DPP10: variants seen among roughly 807,000 people sequenced by gnomAD.
DPP10 encodes the protein dipeptidyl peptidase like 10, also known as inactive dipeptidyl peptidase 10.
Under a neutral mutation model 120.9 loss-of-function variants are expected in DPP10, and 33 were observed. That is an observed-to-expected ratio of 0.27 (90% CI 0.21 to 0.37). The LOEUF (loss-of-function observed/expected upper bound fraction) is 0.37, where lower values mean the gene tolerates loss of function less well. Ranked by LOEUF, DPP10 falls within the 10% of genes least tolerant of loss-of-function variation. DPP10 has a pLI of 1.00. For missense variants in DPP10, 816 were observed against 942.8 expected, an observed-to-expected ratio of 0.87 and a Z score of 1.76; for synonymous variants, 337 against 326.1, an observed-to-expected ratio of 1.03 and a Z score of -0.36.
At chr2:115,351,418 G>A (rs1476292837) in intron 3 of DPP10, among the ~76,000 whole-genome samples, 1 of 151,964 alleles carries the variant, frequency 6.6e-6, no homozygotes, top group Non-Finnish European at 1.5e-5. Context: ...TTCCTTTTGG[G>A]TACTACGTTC....
chr2:115,337,143 CAAA>C (rs11308584), intron 2 of DPP10, among the ~76,000 whole-genome samples: 4 of 125,512 alleles, frequency 3.2e-5, no homozygotes, highest in African/African-American at 2.7e-5. Flanking sequence ...TTGAAGAAAG[CAAA>C]AAAAAAAAAA....
intron 12 of DPP10, among the ~76,000 whole-genome samples, chr2:115,767,875 CA>C (rs930542502): frequency 1.3e-5 from 2 of 152,018 alleles, no homozygotes; most frequent in African/African-American, 2.4e-5. Context: ...GAAAGGATTT[CA>C]AAAAATATGT....
intron 17 of DPP10, among the ~76,000 whole-genome samples, chr2:115,790,774 A>G (rs1204126000): frequency 6.6e-6 from 1 of 152,196 alleles, no homozygotes; most frequent in Non-Finnish European, 1.5e-5. Flanking sequence ...GGTATTGTGA[A>G]TCGCATCTCA....
chr2:114,843,071 A>C (rs1688283887), intron 1 of DPP10, among the ~76,000 whole-genome samples: 1 of 152,182 alleles, frequency 6.6e-6, no homozygotes, highest in Non-Finnish European at 1.5e-5. Flanking sequence ...TATCAAATAA[A>C]CAAACTAAAA....
chr2:115,018,945 C>A (rs753848052), intron 1 of DPP10, among the ~76,000 whole-genome samples: 11 of 151,948 alleles, frequency 7.2e-5, no homozygotes, highest in Non-Finnish European at 1.2e-4. Context: ...CCACTTCTGC[C>A]GCTGGTCTAG....
intron 4 of DPP10, among the ~76,000 whole-genome samples, chr2:115,512,562 A>G (rs2077291505): frequency 6.6e-6 from 1 of 151,738 alleles, no homozygotes; most frequent in African/African-American, 2.4e-5. Context: ...CTTCTTTACT[A>G]TATATCATAA....
intron 1 of DPP10, among the ~76,000 whole-genome samples, chr2:114,737,486 T>A (rs1456344078): frequency 6.6e-6 from 1 of 152,210 alleles, no homozygotes; most frequent in Non-Finnish European, 1.5e-5. Context: ...TCCTAAGCCC[T>A]ATTTGTAAAG....
chr2:115,006,712 A>C (rs1329544914), intron 1 of DPP10, among the ~76,000 whole-genome samples: 1 of 151,970 alleles, frequency 6.6e-6, no homozygotes, highest in Non-Finnish European at 1.5e-5. Context: ...ACCCAGATTC[A>C]TAAAGCAAGT....
At chr2:114,671,205 A>T (rs1386848987) in intron 1 of DPP10, among the ~76,000 whole-genome samples, 1 of 152,196 alleles carries the variant, frequency 6.6e-6, no homozygotes, top group Admixed American at 6.5e-5. Context: ...AAAGTTGAAA[A>T]GACTAAAGAC....
At chr2:114,989,442 G>T (rs1700625361) in intron 1 of DPP10, among the ~76,000 whole-genome samples, 1 of 152,200 alleles carries the variant, frequency 6.6e-6, no homozygotes, top group African/African-American at 2.4e-5. Context: ...GTACCAAGAA[G>T]TGATCGTTGC....
At chr2:115,434,436 C>T (rs2071290082) in intron 3 of DPP10, among the ~76,000 whole-genome samples, 1 of 151,824 alleles carries the variant, frequency 6.6e-6, no homozygotes, top group African/African-American at 2.4e-5. Flanking sequence ...GAGAAACTGC[C>T]AGTGCAGGCA....
intron 1 of DPP10, among the ~76,000 whole-genome samples, chr2:114,829,266 G>C (rs1686851880): frequency 6.6e-6 from 1 of 151,564 alleles, no homozygotes; most frequent in African/African-American, 2.4e-5. Flanking sequence ...CTCCAGCCTG[G>C]GCGACAGAGT....
At chr2:115,373,065 C>A (rs2065531208) in intron 3 of DPP10, among the ~76,000 whole-genome samples, 1 of 152,174 alleles carries the variant, frequency 6.6e-6, no homozygotes, top group Non-Finnish European at 1.5e-5. Context: ...CCCTTGGAAG[C>A]CACAGGAGGG....
intron 3 of DPP10, among the ~76,000 whole-genome samples, chr2:115,439,704 T>G (rs1448144185): frequency 1.3e-5 from 2 of 152,208 alleles, no homozygotes; most frequent in African/African-American, 4.8e-5. Flanking sequence ...AATAAAATTC[T>G]TATCTCTTAT....
intron 1 of DPP10, among the ~76,000 whole-genome samples, chr2:115,283,218 T>C (rs1453364321): frequency 6.6e-6 from 1 of 151,994 alleles, no homozygotes; most frequent in African/African-American, 2.4e-5. Context: ...TCAATTACGG[T>C]ATTATAAATA....
At chr2:114,998,407 A>G (rs113826074) in intron 1 of DPP10, among the ~76,000 whole-genome samples, 1,734 of 152,288 alleles carry the variant, frequency 0.011, 13 homozygotes, top group Non-Finnish European at 0.017. Context: ...TAAAAGAATT[A>G]TTGCTATATT....
At chr2:115,045,535 T>C (rs879768454) in intron 1 of DPP10, among the ~76,000 whole-genome samples, 5 of 152,182 alleles carry the variant, frequency 3.3e-5, no homozygotes, top group Admixed American at 2.6e-4. Context: ...CTGCCCTGTG[T>C]TGCTTTCCAC....
At chr2:115,222,807 C>T (rs2057242476) in intron 1 of DPP10, among the ~76,000 whole-genome samples, 2 of 152,092 alleles carry the variant, frequency 1.3e-5, no homozygotes, top group African/African-American at 2.4e-5. Context: ...GCATTAGTAT[C>T]TAGATATCCT....
At chr2:114,757,245 G>T (rs535269655) in intron 1 of DPP10, among the ~76,000 whole-genome samples, 1 of 131,688 alleles carries the variant, frequency 7.6e-6, no homozygotes, top group Non-Finnish European at 1.6e-5. Flanking sequence ...GAGGAAGGAA[G>T]GAAAGAAAGG....
Sources: gnomAD v4.1 joint callset for allele counts (sites outside exome capture counted in the v4.1 genomes callset) on GRCh38, gnomAD v4.1.1 for gene constraint, MANE v1.5 for transcripts, NCBI Gene and HGNC (gene_info 2026-07-23, HGNC 2026-07-21) for gene names.